The following RIMS1 variants were observed in gnomAD, a reference collection of about 807,000 sequenced individuals.
The protein encoded by RIMS1 is regulating synaptic membrane exocytosis 1, also known as regulating synaptic membrane exocytosis protein 1.
In RIMS1, 83 loss-of-function variants were observed where a neutral mutation model predicts 214.1. That is an observed-to-expected ratio of 0.39 (90% CI 0.32 to 0.47). The LOEUF (loss-of-function observed/expected upper bound fraction) is 0.47. RIMS1 is among the 20% of genes least tolerant of loss of function. The pLI is 0.99. For missense variants in RIMS1, 2,050 were observed against 2,161.8 expected, an observed-to-expected ratio of 0.95 and a Z score of 1.03; for synonymous variants, 793 against 786.8, an observed-to-expected ratio of 1.01 and a Z score of -0.13.
At chr6:72,109,132 G>C (rs1181496978) in intron 4 of RIMS1, among the ~76,000 whole-genome samples, 3 of 152,012 alleles carry the variant, frequency 2.0e-5, no homozygotes, top group Admixed American at 1.3e-4. Flanking sequence ...CCAAGTCTTT[G>C]CTATTGTGAA....
At chr6:72,379,994 A>T (rs2098457871) in intron 29 of RIMS1, among the ~76,000 whole-genome samples, 1 of 152,222 alleles carries the variant, frequency 6.6e-6, no homozygotes, top group Non-Finnish European at 1.5e-5. Flanking sequence ...ACTTGGAACC[A>T]ACCCAAATGC....
chr6:72,286,095 G>A (rs897729841), intron 24 of RIMS1, among the ~76,000 whole-genome samples: 5 of 152,052 alleles, frequency 3.3e-5, no homozygotes, highest in African/African-American at 4.8e-5. Flanking sequence ...TACTCGGGAG[G>A]CTGAGGCAGG....
intron 1 of RIMS1, among the ~76,000 whole-genome samples, chr6:71,958,862 C>T (rs1332157993): frequency 6.6e-6 from 1 of 152,074 alleles, no homozygotes; most frequent in Non-Finnish European, 1.5e-5. Context: ...CCATACTATT[C>T]ATCCATTTTT....
intron 19 of RIMS1, chr6:72,262,117 A>G: frequency 1.0e-6 from 1 of 984,802 alleles, no homozygotes. Context: ...TGTGCCTGGC[A>G]CTCAGTGTGT....
rs116929974 is a variant in RIMS1 at position 72,349,917 on chromosome 6, G to A, written c.4366+16082G>A. Among the ~76,000 whole-genome samples the A allele has an allele frequency of 6.4e-3, 968 of 151,996 alleles. 7 individuals are homozygous for A. Among genetic ancestry groups the A allele is most frequent in the Non-Finnish European group, 9.6e-3 (649 of 67,918 alleles). ...ACTAGTGTAGGATTCTGTGATCTTC[G>A]GCTAATCAAAGAAGAAAACATACTA... is the stretch of plus-strand genomic sequence containing the variant. On this transcript the variant is annotated intron_variant, in intron 29 of 33. Transcript: ENST00000521978.
intron 2 of RIMS1, among the ~76,000 whole-genome samples, chr6:72,009,993 C>T (rs1396720635): frequency 6.6e-6 from 1 of 152,094 alleles, no homozygotes; most frequent in Non-Finnish European, 1.5e-5. Flanking sequence ...GCATCATCCT[C>T]ATACCAAAAC....
intron 29 of RIMS1, among the ~76,000 whole-genome samples, chr6:72,335,225 C>T (rs2096798759): frequency 6.6e-6 from 1 of 151,948 alleles, no homozygotes; most frequent in Non-Finnish European, 1.5e-5. Flanking sequence ...GCTATCCCTC[C>T]CCTAGGCCCC....
At chr6:72,231,658 A>G (rs2062015378) in intron 6 of RIMS1, among the ~76,000 whole-genome samples, 1 of 151,678 alleles carries the variant, frequency 6.6e-6, no homozygotes. Flanking sequence ...TTCTTCATTC[A>G]GCATCATTAT....
At chr6:72,181,957 C>T (rs1214346550) in intron 5 of RIMS1, among the ~76,000 whole-genome samples, 1 of 152,142 alleles carries the variant, frequency 6.6e-6, no homozygotes, top group Non-Finnish European at 1.5e-5. Context: ...ATGAACCTTG[C>T]AAGGTAAGTA....
chr6:72,386,165 T>C (rs942720145), intron 29 of RIMS1, among the ~76,000 whole-genome samples: 17 of 152,338 alleles, frequency 1.1e-4, no homozygotes, highest in African/African-American at 3.1e-4. Flanking sequence ...CCTGTAGATA[T>C]ACCTTTCTTT....
intron 10 of RIMS1, among the ~76,000 whole-genome samples, chr6:72,244,791 TGACAACTG>T (rs2154119506): frequency 6.6e-6 from 1 of 152,036 alleles, no homozygotes; most frequent in Admixed American, 6.6e-5. Context: ...ATAGTCAAAA[TGACAACTG>T]CAGAGAACAA....
chr6:72,075,104 C>T (rs1276115890), intron 2 of RIMS1, among the ~76,000 whole-genome samples: 1 of 152,022 alleles, frequency 6.6e-6, no homozygotes, highest in East Asian at 1.9e-4. Flanking sequence ...TATTTTGAGA[C>T]AGGGTCTTGC....
intron 2 of RIMS1, among the ~76,000 whole-genome samples, chr6:72,007,168 A>T (rs1808072101): frequency 6.6e-6 from 1 of 152,166 alleles, no homozygotes; most frequent in African/African-American, 2.4e-5. Flanking sequence ...CTGTTCACTG[A>T]TATTCGCTGT....
intron 2 of RIMS1, among the ~76,000 whole-genome samples, chr6:71,989,525 A>G (rs2151582594): frequency 6.6e-6 from 1 of 152,338 alleles, no homozygotes; most frequent in Admixed American, 6.5e-5. Context: ...TTTTGTACTT[A>G]ATTTGTCTCA....
chr6:72,037,350 G>A (rs1819930651), intron 2 of RIMS1, among the ~76,000 whole-genome samples: 1 of 152,072 alleles, frequency 6.6e-6, no homozygotes, highest in African/African-American at 2.4e-5. Context: ...TTCTCATAAT[G>A]AGAAATGTAA....
intron 6 of RIMS1, among the ~76,000 whole-genome samples, chr6:72,186,375 T>G (rs1246145984): frequency 6.6e-6 from 1 of 152,230 alleles, no homozygotes; most frequent in African/African-American, 2.4e-5. Flanking sequence ...GCTATTTAAA[T>G]TAAATAAATG....
At position 72,387,631 on chromosome 6, in the gene RIMS1, C is replaced by A. The variant is rs527989380; in HGVS notation, c.4367-2967C>A. On this transcript the variant is annotated intron_variant, in intron 29 of 33. Transcript: ENST00000521978. ...GGTAAGTGTGCACGTTCCACAATGA[C>A]AAGTCAAGTGGACAAGACAGAGTCC... Among the ~76,000 whole-genome samples the A allele has an allele frequency of 1.2e-3, 179 of 152,288 alleles. 1 individual carries two copies. The highest frequency in any genetic ancestry group is 4.0e-3 in the African/African-American group (168 of 41,562).
At chr6:72,383,608 T>TAA (rs1170633297) in intron 29 of RIMS1, among the ~76,000 whole-genome samples, 1,886 of 85,690 alleles carry the variant, frequency 0.022, 52 homozygotes, top group African/African-American at 0.077. Context: ...ACCCCATCTC[T>TAA]AAAAAAAAAA....
chr6:72,378,480 C>T (rs192935278), intron 29 of RIMS1, among the ~76,000 whole-genome samples: 22 of 152,270 alleles, frequency 1.4e-4, no homozygotes, highest in Admixed American at 1.4e-3. Context: ...CATTTCCACA[C>T]AATAATTAAG....
Sources: allele counts gnomAD v4.1 joint callset (sites outside exome capture counted in the v4.1 genomes callset), GRCh38; gene constraint gnomAD v4.1.1; transcripts MANE v1.5; gene names NCBI Gene and HGNC (gene_info 2026-07-23, HGNC 2026-07-21).